The following INVS variants were observed in gnomAD, a reference collection of about 807,000 sequenced individuals.
The protein encoded by INVS is inversion of embryo turning homolog.
In INVS, 86 loss-of-function variants were observed where a neutral mutation model predicts 108.8. That is an observed-to-expected ratio of 0.79 (90% CI 0.66 to 0.95). INVS has a LOEUF of 0.95. Among genes scored for constraint, INVS ranks in the 40% least tolerant of loss-of-function variants. The pLI is 0.00. For synonymous variants in INVS, 455 were observed against 473.5 expected, an observed-to-expected ratio of 0.96 and a Z score of 0.51; for missense variants, 1,169 against 1,297.4, an observed-to-expected ratio of 0.90 and a Z score of 1.52.
At position 100,128,543 on chromosome 9, in the gene INVS, T is replaced by C. The variant is rs562401790; in HGVS notation, c.273+1994T>C. Among the ~76,000 whole-genome samples the C allele has an allele frequency of 3.3e-5, 5 of 152,338 alleles. No homozygotes were observed. The East Asian group carries it at 9.6e-4, about 29-fold the overall frequency. ...AGCACCAGCATTCAGAGATGAAATA[T>C]AGTATGCACCAGTCAGGAATAAGAT... On this transcript the variant is annotated intron_variant, in intron 3 of 16. Coordinates refer to ENST00000262457, the MANE Select transcript of INVS (RefSeq NM_014425.5).
At chr9:100,126,693 T>A in intron 3 of INVS, 144 bp downstream of exon 3, 1 of 814,860 alleles carries the variant, frequency 1.2e-6, no homozygotes, top group Non-Finnish European at 2.0e-6. Flanking sequence ...AAGCTGTCTT[T>A]AAGCTGCAGA....
chr9:100,265,890 A>C (rs1181948263), intron 11 of INVS, among the ~76,000 whole-genome samples: 1 of 152,204 alleles, frequency 6.6e-6, no homozygotes, highest in African/African-American at 2.4e-5. Flanking sequence ...CAGCCTGGCC[A>C]ACATGGTGAA....
At chr9:100,158,168 T>C (rs1292001899) in intron 3 of INVS, among the ~76,000 whole-genome samples, 2 of 152,212 alleles carry the variant, frequency 1.3e-5, no homozygotes, top group African/African-American at 4.8e-5. Flanking sequence ...TCTATCTTGT[T>C]TATATTCTCA....
rs1588000254 is a variant in INVS at position 100,104,617 on chromosome 9, G to A, written c.96G>A (p.Arg32=). ...ATGGAGATAAGGGTGCTCTACAGAG[G>A]CTCATCGTAGGTAAGCAGTCCCCTT... is the stretch of plus-strand genomic sequence containing the variant. ...AVNGDKGALQ[R]LIVGNSALKD... The change falls in exon 2 of 17, where the codon AGG becomes AGA. Residue 32 remains arginine, a synonymous_variant. Coordinates refer to ENST00000262457, the MANE Select transcript of INVS (RefSeq NM_014425.5). 2 of 1,611,538 alleles carry A rather than the reference G, an allele frequency of 1.2e-6. No homozygotes were observed. The highest frequency in any genetic ancestry group is 8.5e-7 in the Non-Finnish European group (1 of 1,177,628).
chr9:100,223,044 A>T (rs1831201028), intron 3 of INVS, among the ~76,000 whole-genome samples: 1 of 151,916 alleles, frequency 6.6e-6, no homozygotes, highest in Non-Finnish European at 1.5e-5. Context: ...AACTGTTATG[A>T]TCTAATATAG....
chr9:100,201,171 T>A (rs996312951), intron 3 of INVS, among the ~76,000 whole-genome samples: 1 of 152,154 alleles, frequency 6.6e-6, no homozygotes, highest in Non-Finnish European at 1.5e-5. Context: ...CCAAGTCCCA[T>A]AAGGGTGGTA....
chr9:100,276,055 A>G (rs1006259582), intron 12 of INVS, among the ~76,000 whole-genome samples: 19 of 152,192 alleles, frequency 1.2e-4, no homozygotes, highest in Non-Finnish European at 1.0e-4. Context: ...CCCTTCTCAC[A>G]TCTTTTAAAT....
In INVS at chr9:100,292,751, A is replaced by G; in HGVS notation, c.2494A>G (p.Arg832Gly). The change falls in exon 14 of 17, where the codon AGA (arginine) becomes GGA (glycine). Residue 832 changes from arginine (R) to glycine (G), a missense_variant. Arg to Gly is a moderately radical substitution (Grantham distance 125, BLOSUM62 -2). Coordinates refer to ENST00000262457, the MANE Select transcript of INVS (RefSeq NM_014425.5). ...GAATCCTCCCCACCATCGTACACCA[A>G]GAAACAAAGTGACACAAGCCAAGCT... ...GQNPPHHRTPRNKVTQAKLTG... is the reference protein window; with the variant it reads ...GQNPPHHRTPGNKVTQAKLTG... 3.7e-6 allele frequency: 6 copies of G among 1,614,202 alleles called. No homozygotes were observed. The highest frequency in any genetic ancestry group is 5.1e-6 in the Non-Finnish European group (6 of 1,180,018).
intron 3 of INVS, chr9:100,130,416 A>T (rs1421817432): frequency 6.6e-6 from 1 of 152,226 alleles, no homozygotes; most frequent in Non-Finnish European, 1.5e-5. Flanking sequence ...ATTATAGTTC[A>T]GGCCAATAGA....
At chr9:100,100,853 GT>G (rs1826897777) in intron 1 of INVS, among the ~76,000 whole-genome samples, 1 of 6,308 alleles carries the variant, frequency 1.6e-4, no homozygotes, top group South Asian at 0.01. Flanking sequence ...TATAATATAT[GT>G]ATATATAATA....
chr9:100,145,798 C>T (rs763337704), intron 3 of INVS, among the ~76,000 whole-genome samples: 7 of 152,076 alleles, frequency 4.6e-5, no homozygotes, highest in East Asian at 3.9e-4. Context: ...TGACCAGCGC[C>T]GGAGTTTTGG....
chr9:100,183,090 CA>C (rs1020140153), intron 3 of INVS, among the ~76,000 whole-genome samples: 2 of 151,994 alleles, frequency 1.3e-5, no homozygotes, highest in Non-Finnish European at 2.9e-5. Flanking sequence ...CACATGGATA[CA>C]GGGAGGGGAA....
chr9:100,284,877 A>C (rs1009762277), intron 13 of INVS, among the ~76,000 whole-genome samples: 4 of 152,026 alleles, frequency 2.6e-5, no homozygotes, highest in African/African-American at 9.7e-5. Context: ...TGAAAACCTC[A>C]CTTCCATTCA....
Position 100,197,829 on chromosome 9 carries a change from ATTTC to A in INVS, c.274-28229_274-28226del, listed in dbSNP as rs1159676882. On this transcript the variant is annotated intron_variant, in intron 3 of 16. Coordinates refer to ENST00000262457, the MANE Select transcript of INVS (RefSeq NM_014425.5). ...ACAGTCAGACAAGGTAGGTCAGAGA[ATTTC>A]TTTATGGCCAGAGGCAGAGGAAGAG... 2.0e-5 allele frequency among the ~76,000 whole-genome samples: 3 copies of A among 152,318 alleles called. No homozygotes were observed. The South Asian group carries it at 6.2e-4, about 32-fold the overall frequency.
chr9:100,229,463 ATTGT>A (rs1218413011), intron 4 of INVS, among the ~76,000 whole-genome samples, 193 bp from the exon 5 acceptor site: 1 of 152,172 alleles, frequency 6.6e-6, no homozygotes, highest in African/African-American at 2.4e-5. Flanking sequence ...AAACTTATGA[ATTGT>A]TTATTTCTGG....
intron 3 of INVS, among the ~76,000 whole-genome samples, chr9:100,220,354 A>G (rs932644509): frequency 2.0e-5 from 3 of 152,168 alleles, no homozygotes; most frequent in African/African-American, 4.8e-5. Flanking sequence ...TAATTACAGG[A>G]AGATTTAGAG....
intron 2 of INVS, among the ~76,000 whole-genome samples, chr9:100,115,468 C>A (rs1455658802): frequency 1.3e-5 from 2 of 152,064 alleles, no homozygotes; most frequent in African/African-American, 4.8e-5. Context: ...CCCGACCCCA[C>A]AACAGGCCCC....
intron 3 of INVS, among the ~76,000 whole-genome samples, chr9:100,192,932 A>C (rs1830266568): frequency 6.7e-6 from 1 of 150,282 alleles, no homozygotes; most frequent in Non-Finnish European, 1.5e-5. Context: ...CACTAACCAA[A>C]GTTTTTAAAT....
chr9:100,210,557 C>T (rs1830802489), intron 3 of INVS, among the ~76,000 whole-genome samples: 1 of 152,184 alleles, frequency 6.6e-6, no homozygotes, highest in African/African-American at 2.4e-5. Context: ...CCCTTCCCCT[C>T]TTCACAAGGA....
Sources: allele counts gnomAD v4.1 joint callset (sites outside exome capture counted in the v4.1 genomes callset), GRCh38; gene constraint gnomAD v4.1.1; transcripts MANE v1.5; gene names NCBI Gene and HGNC (gene_info 2026-07-23, HGNC 2026-07-21).